Variants in SGMS1 observed in about 807,000 individuals in gnomAD.
SGMS1 encodes the protein phosphatidylcholine:ceramide cholinephosphotransferase 1.
In SGMS1, 13 loss-of-function variants were observed where a neutral mutation model predicts 46.2. The ratio of observed to expected loss-of-function variants is 0.28; its 90% CI spans 0.18 to 0.45. SGMS1 has a LOEUF of 0.45. SGMS1 is among the 20% of genes least tolerant of loss of function. SGMS1 has a pLI of 1.00. For missense variants in SGMS1, 324 were observed against 519.9 expected (o/e 0.62, Z 3.66); for synonymous variants, 203 against 187.8 (o/e 1.08, Z -0.66).
At chr10:50,438,581 C>A (rs12267585) in intron 5 of SGMS1, among the ~76,000 whole-genome samples, 1 of 152,300 alleles carries the variant, frequency 6.6e-6, no homozygotes, top group Admixed American at 6.5e-5. Context: ...GACTCCCGAC[C>A]CACAGAAACT....
intron 2 of SGMS1, among the ~76,000 whole-genome samples, chr10:50,569,631 A>G (rs1838320231): frequency 6.6e-6 from 1 of 152,224 alleles, no homozygotes; most frequent in East Asian, 1.9e-4. Flanking sequence ...ATCAGAAAAC[A>G]GGTATGTCAT....
intron 2 of SGMS1, among the ~76,000 whole-genome samples, chr10:50,568,820 TA>T (rs1304250703): frequency 1.3e-5 from 2 of 152,150 alleles, no homozygotes; most frequent in African/African-American, 4.8e-5. Flanking sequence ...GCAAGGAATG[TA>T]AGTGCTGTGA....
At chr10:50,431,317 T>C (rs1434611560) in intron 6 of SGMS1, among the ~76,000 whole-genome samples, 1 of 152,166 alleles carries the variant, frequency 6.6e-6, no homozygotes, top group African/African-American at 2.4e-5. Context: ...ATCGGGGAAA[T>C]GAATGTTTTA....
At chr10:50,587,737 T>A (rs976435576) in intron 2 of SGMS1, among the ~76,000 whole-genome samples, 5 of 151,554 alleles carry the variant, frequency 3.3e-5, no homozygotes, top group Non-Finnish European at 5.9e-5. Context: ...ACTAGTTACA[T>A]TTTCAGGGAG....
chr10:50,586,256 T>C (rs914000842), intron 2 of SGMS1, among the ~76,000 whole-genome samples: 67 of 152,334 alleles, frequency 4.4e-4, no homozygotes, highest in Non-Finnish European at 5.9e-4. Flanking sequence ...CAGAGTTTGT[T>C]GGGTTGATAT....
At chr10:50,383,582 AT>A (rs984250441) in intron 6 of SGMS1, among the ~76,000 whole-genome samples, 7 of 151,700 alleles carry the variant, frequency 4.6e-5, no homozygotes, top group Admixed American at 4.6e-4. Flanking sequence ...GGATGTAGAA[AT>A]TTTTTTTTAA....
At chr10:50,390,014 A>G (rs1393549452) in intron 6 of SGMS1, among the ~76,000 whole-genome samples, 1 of 152,220 alleles carries the variant, frequency 6.6e-6, no homozygotes, top group Non-Finnish European at 1.5e-5. Flanking sequence ...AAAATATTCC[A>G]TAATACCCAT....
At chr10:50,422,394 G>C (rs1849268816) in intron 6 of SGMS1, among the ~76,000 whole-genome samples, 1 of 152,130 alleles carries the variant, frequency 6.6e-6, no homozygotes, top group South Asian at 2.1e-4. Flanking sequence ...TTGGCAAGCA[G>C]AACCCAAGCA....
At chr10:50,427,477 T>C (rs1849344784) in intron 6 of SGMS1, among the ~76,000 whole-genome samples, 1 of 152,148 alleles carries the variant, frequency 6.6e-6, no homozygotes, top group Non-Finnish European at 1.5e-5. Flanking sequence ...TCAGTATAAA[T>C]TGACTGAAAA....
At chr10:50,330,685 C>G (rs985420125) in intron 7 of SGMS1, among the ~76,000 whole-genome samples, 1 of 152,150 alleles carries the variant, frequency 6.6e-6, no homozygotes, top group Non-Finnish European at 1.5e-5. Flanking sequence ...ATAAATAGGA[C>G]TTGACAATGG....
intron 6 of SGMS1, among the ~76,000 whole-genome samples, chr10:50,372,376 A>T (rs1429712463): frequency 1.3e-5 from 2 of 152,226 alleles, no homozygotes; most frequent in East Asian, 1.9e-4. Flanking sequence ...ATTAATTTTT[A>T]AAAATAAGTA....
At chr10:50,555,054 A>G (rs961246003) in intron 2 of SGMS1, among the ~76,000 whole-genome samples, 4 of 152,146 alleles carry the variant, frequency 2.6e-5, no homozygotes, top group African/African-American at 9.7e-5. Flanking sequence ...GCCTCCCCAA[A>G]TGGGGTCACG....
Position 50,613,501 on chromosome 10 carries a change from G to C in SGMS1, c.-684+10206C>G, listed in dbSNP as rs1019920212. 6.6e-5 allele frequency among the ~76,000 whole-genome samples: 10 copies of C among 152,268 alleles called. No individual in the cohort carries two copies. The East Asian group carries it at 1.9e-3, about 29-fold the overall frequency. ...TTATAAAATGACCAGACTGGAGAGT[G>C]TCTCCACACCTGAACAGGCCTCTCT... On this transcript the variant is annotated intron_variant, in intron 1 of 10. Transcript: ENST00000361781.
intron 6 of SGMS1, among the ~76,000 whole-genome samples, chr10:50,378,804 T>A (rs577313729): frequency 6.6e-6 from 1 of 152,298 alleles, no homozygotes; most frequent in African/African-American, 2.4e-5. Context: ...ATGTTTACTA[T>A]CCATTTTTAA....
chr10:50,625,048 G>C, upstream of SGMS1: 2 of 999,910 alleles, frequency 2.0e-6, no homozygotes, highest in Non-Finnish European at 2.4e-6. Flanking sequence ...GGCTTTGGGC[G>C]CCGGACTCTG....
At chr10:50,556,100 A>AT (rs1319488570) in intron 2 of SGMS1, among the ~76,000 whole-genome samples, 1 of 152,058 alleles carries the variant, frequency 6.6e-6, no homozygotes, top group Admixed American at 6.5e-5. Flanking sequence ...TTTGGTTTGG[A>AT]TTCTTACCAA....
At chr10:50,608,122 A>G (rs1838714544) in intron 1 of SGMS1, among the ~76,000 whole-genome samples, 1 of 152,256 alleles carries the variant, frequency 6.6e-6, no homozygotes, top group Non-Finnish European at 1.5e-5. Context: ...CCAGAAGTCC[A>G]TTCTAGGACA....
chr10:50,535,097 TG>T (rs977078288), intron 2 of SGMS1, among the ~76,000 whole-genome samples: 37 of 152,028 alleles, frequency 2.4e-4, no homozygotes, highest in African/African-American at 8.9e-4. Context: ...CCCGGCATGG[TG>T]GCAGGTGCCT....
intron 4 of SGMS1, among the ~76,000 whole-genome samples, chr10:50,462,799 T>C (rs1475139144): frequency 2.0e-5 from 3 of 152,092 alleles, no homozygotes. Context: ...ACAATAGGCA[T>C]CACTGATGTC....
Sources: allele counts gnomAD v4.1 joint callset (sites outside exome capture counted in the v4.1 genomes callset), GRCh38; gene constraint gnomAD v4.1.1; transcripts MANE v1.5; gene names NCBI Gene and HGNC (gene_info 2026-07-23, HGNC 2026-07-21).